GBE1: variants seen among roughly 807,000 people sequenced by gnomAD.
GBE1 encodes 1,4-alpha-glucan branching enzyme 1.
GBE1 carries 70 observed loss-of-function variants against 88.8 expected under a neutral mutation model. The observed-to-expected ratio is 0.79, with a 90% CI of 0.65 to 0.96. The LOEUF (loss-of-function observed/expected upper bound fraction) is 0.96, where lower values mean the gene tolerates loss of function less well. GBE1 is among the 40% of genes least tolerant of loss of function. GBE1 has a pLI of 0.00. For synonymous variants in GBE1, 284 were observed against 300.1 expected (o/e 0.95, Z 0.56); for missense variants, 872 against 871.0 (o/e 1.00, Z -0.01).
At chr3:81,527,549 G>T (rs569338525) in intron 14 of GBE1, among the ~76,000 whole-genome samples, 241 of 152,216 alleles carry the variant, frequency 1.6e-3, no homozygotes, top group Middle Eastern at 6.8e-3. Flanking sequence ...ATCAACAAAT[G>T]GGCGAAGGAT....
chr3:81,696,515 T>C (rs535406460), intron 2 of GBE1, among the ~76,000 whole-genome samples: 1 of 152,342 alleles, frequency 6.6e-6, no homozygotes, highest in East Asian at 1.9e-4. Context: ...TCAGTCACAC[T>C]TGGGGCTAGA....
chr3:81,606,788 T>C, intron 7 of GBE1, among the ~76,000 whole-genome samples: 1 of 152,340 alleles, frequency 6.6e-6, no homozygotes, highest in Non-Finnish European at 1.5e-5. Flanking sequence ...TGGTTATGTT[T>C]TGCTTAGCAT....
intron 7 of GBE1, among the ~76,000 whole-genome samples, chr3:81,624,817 G>A (rs1704388909): frequency 6.6e-6 from 1 of 152,122 alleles, no homozygotes; most frequent in African/African-American, 2.4e-5. Context: ...AGAAAGAATG[G>A]AAAAGAACCA....
chr3:81,575,371 A>T (rs1703634300), intron 12 of GBE1, among the ~76,000 whole-genome samples: 1 of 152,136 alleles, frequency 6.6e-6, no homozygotes, highest in African/African-American at 2.4e-5. Flanking sequence ...GAGTGAAAGA[A>T]TTTTTTTGAA....
chr3:81,545,449 T>G (rs370289725), intron 12 of GBE1, among the ~76,000 whole-genome samples: 7 of 152,166 alleles, frequency 4.6e-5, no homozygotes, highest in African/African-American at 1.7e-4. Flanking sequence ...AAGCAAAATA[T>G]AGTGATCAGA....
At chr3:81,756,805 C>A (rs1293567843) in intron 1 of GBE1, among the ~76,000 whole-genome samples, 1 of 152,280 alleles carries the variant, frequency 6.6e-6, no homozygotes, top group African/African-American at 2.4e-5. Context: ...TCACTGAGGG[C>A]TAAACCAAAA....
At chr3:81,583,699 T>C (rs148540186) in intron 10 of GBE1, among the ~76,000 whole-genome samples, 1 of 152,136 alleles carries the variant, frequency 6.6e-6, no homozygotes, top group Non-Finnish European at 1.5e-5. Flanking sequence ...ATGACGAAAT[T>C]ATAGGAATGG....
At chr3:81,562,631 T>C (rs1370580766) in intron 12 of GBE1, among the ~76,000 whole-genome samples, 1 of 152,024 alleles carries the variant, frequency 6.6e-6, no homozygotes, top group Non-Finnish European at 1.5e-5. Context: ...TTGCTCTGAG[T>C]AAATTTTCAA....
At chr3:81,647,090 G>A (rs1455599863) in intron 5 of GBE1, among the ~76,000 whole-genome samples, 1 of 151,522 alleles carries the variant, frequency 6.6e-6, no homozygotes, top group Non-Finnish European at 1.5e-5. Flanking sequence ...CCAAGTAGCT[G>A]GAACTACAGG....
At chr3:81,645,481 C>T (rs1241252260) in intron 6 of GBE1, among the ~76,000 whole-genome samples, 1 of 152,130 alleles carries the variant, frequency 6.6e-6, no homozygotes, top group Non-Finnish European at 1.5e-5. Flanking sequence ...ATACCCTTGA[C>T]AAAAGCAACT....
chr3:81,744,557 C>T (rs981324922), intron 1 of GBE1, among the ~76,000 whole-genome samples: 1 of 152,106 alleles, frequency 6.6e-6, no homozygotes, highest in Admixed American at 6.6e-5. Flanking sequence ...GGAATGCAGC[C>T]ACTTAGCTTA....
chr3:81,523,970 T>C lies in GBE1; in HGVS notation c.1934+11225A>G, dbSNP rs1112329. Among the ~76,000 whole-genome samples, 26 of 151,906 alleles carry C rather than the reference T, an allele frequency of 1.7e-4. 1 individual carries two copies. The highest frequency in any genetic ancestry group is 1.7e-3 in the Admixed American group (26 of 15,196). ...TGCTACAATAAAAGAGGAGCGCAAA[T>C]ATCTGCTCCATATACTGATTTCTTT... On this transcript the variant is annotated intron_variant, in intron 14 of 15. Coordinates refer to ENST00000429644, the MANE Select transcript of GBE1 (RefSeq NM_000158.4).
chr3:81,578,978 T>C (rs4362742), intron 11 of GBE1, among the ~76,000 whole-genome samples: 99,005 of 151,870 alleles, frequency 0.65, 33,986 homozygotes, highest in East Asian at 0.91. Flanking sequence ...ATTTATATCA[T>C]TACTTCTTAA....
chr3:81,591,307 C>T, intron 8 of GBE1, 143 bp from the exon 9 acceptor site: 1 of 538,886 alleles, frequency 1.9e-6, no homozygotes, highest in Non-Finnish European at 3.1e-6. Flanking sequence ...AATATACTGA[C>T]TTAGAAAAGT....
intron 7 of GBE1, among the ~76,000 whole-genome samples, chr3:81,620,543 T>TTTTAGAAAGTATTTTA (rs1266113017): frequency 1.3e-5 from 2 of 152,230 alleles, no homozygotes; most frequent in Non-Finnish European, 2.9e-5. Context: ...TATACTTTTA[T>TTTTAGAAAGTATTTTA]TTTAGAAAGT....
At chr3:81,666,841 G>A (rs1490037617) in intron 3 of GBE1, among the ~76,000 whole-genome samples, 1 of 152,016 alleles carries the variant, frequency 6.6e-6, no homozygotes, top group Non-Finnish European at 1.5e-5. Context: ...GATTTTAATT[G>A]CCTAAAAAGC....
chr3:81,632,013 A>G (rs1267266905), intron 7 of GBE1, among the ~76,000 whole-genome samples: 3 of 151,796 alleles, frequency 2.0e-5, no homozygotes, highest in African/African-American at 4.8e-5. Flanking sequence ...CTATCCTCAT[A>G]TGTTCTCATT....
chr3:81,633,466 T>C (rs1345362908), intron 7 of GBE1, among the ~76,000 whole-genome samples: 6 of 152,102 alleles, frequency 3.9e-5, no homozygotes, highest in Admixed American at 2.6e-4. Context: ...AAGGTCAGTA[T>C]CTATATTTAT....
At chr3:81,568,013 C>T (rs1158131567) in intron 12 of GBE1, among the ~76,000 whole-genome samples, 1 of 152,164 alleles carries the variant, frequency 6.6e-6, no homozygotes, top group Non-Finnish European at 1.5e-5. Context: ...CCTTTAATTT[C>T]CTTGAATTCC....
Sources: allele counts gnomAD v4.1 joint callset (sites outside exome capture counted in the v4.1 genomes callset), GRCh38; gene constraint gnomAD v4.1.1; transcripts MANE v1.5; gene names NCBI Gene and HGNC (gene_info 2026-07-23, HGNC 2026-07-21).